The following PRICKLE2 variants were observed in gnomAD, a reference collection of about 807,000 sequenced individuals.
PRICKLE2 encodes the protein prickle planar cell polarity protein 2.
A neutral mutation model predicts 81.4 loss-of-function variants in PRICKLE2; 21 were observed. That is an observed-to-expected ratio of 0.26 (90% CI 0.18 to 0.37). The LOEUF (loss-of-function observed/expected upper bound fraction) is 0.37. Among genes scored for constraint, PRICKLE2 ranks in the 10% least tolerant of loss-of-function variants. The pLI, the probability that PRICKLE2 is intolerant of heterozygous loss-of-function variation, is 1.00. For synonymous variants in PRICKLE2, 456 were observed against 421.5 expected, an observed-to-expected ratio of 1.08 and a Z score of -1.00; for missense variants, 940 against 1,109.0, an observed-to-expected ratio of 0.85 and a Z score of 2.16.
chr3:64,213,508 T>C (rs899058362), intron 1 of PRICKLE2, among the ~76,000 whole-genome samples: 7 of 152,202 alleles, frequency 4.6e-5, no homozygotes, highest in Non-Finnish European at 1.0e-4. Flanking sequence ...GAATTGCCAA[T>C]AATCTCTACA....
chr3:64,108,280 T>C (rs2076787198), intron 7 of PRICKLE2, among the ~76,000 whole-genome samples: 1 of 152,218 alleles, frequency 6.6e-6, no homozygotes, highest in Non-Finnish European at 1.5e-5. Context: ...TTGAAGCCTC[T>C]CAGACCGTGC....
intron 2 of PRICKLE2, among the ~76,000 whole-genome samples, chr3:64,257,631 G>C (rs1049071699): frequency 6.6e-6 from 1 of 152,160 alleles, no homozygotes; most frequent in East Asian, 1.9e-4. Context: ...GGCAAGCCAA[G>C]GGGAAAGTCT....
At chr3:64,130,322 T>G (rs2077178239) in intron 7 of PRICKLE2, among the ~76,000 whole-genome samples, 1 of 152,170 alleles carries the variant, frequency 6.6e-6, no homozygotes, top group Admixed American at 6.5e-5. Flanking sequence ...TTTAATCCCA[T>G]GAAAAAGTTT....
At position 64,147,657 on chromosome 3, in the gene PRICKLE2, G is replaced by A; in HGVS notation, c.833C>T (p.Ala278Val). 1 of 1,614,022 alleles carries A rather than the reference G, an allele frequency of 6.2e-7. No individual in the cohort carries two copies. The highest frequency in any genetic ancestry group is 8.5e-7 in the Non-Finnish European group (1 of 1,180,030). The change falls in exon 7 of 8, where the codon GCC (alanine) becomes GTC (valine). Residue 278 changes from alanine to valine, a missense_variant. Around this residue, in one of 2 missense-constraint regions of PRICKLE2, gnomAD observed 270 missense variants for 391.8 expected, o/e 0.69. Transcript: ENST00000638394. This position sits in a 1 kb window ranked among gnomAD's most constrained non-coding sequence, Gnocchi z 5.0. The part of the protein sequence containing the change: ...QMTYDGQHWH[A>V]TETCFCCAHC... ...AGCACAGCAGAAACAGGTCTCAGTG[G>A]CATGCCAGTGTTGGCCATCATAGGT...
intron 1 of PRICKLE2, among the ~76,000 whole-genome samples, chr3:64,224,268 G>C (rs2078999770): frequency 6.6e-6 from 1 of 152,130 alleles, no homozygotes; most frequent in African/African-American, 2.4e-5. Context: ...TTCATTGCAA[G>C]ACCCCCATGG....
intron 7 of PRICKLE2, among the ~76,000 whole-genome samples, chr3:64,144,667 C>T (rs1478772493): frequency 2.0e-5 from 3 of 152,244 alleles, no homozygotes; most frequent in African/African-American, 7.2e-5. Context: ...GAGCGCTACT[C>T]TTCTCAAGCT....
chr3:64,207,666 G>A (rs948854696), intron 1 of PRICKLE2, among the ~76,000 whole-genome samples: 4 of 152,078 alleles, frequency 2.6e-5, no homozygotes, highest in South Asian at 2.1e-4. Flanking sequence ...TACCTCCAAC[G>A]TGGGAATTAC....
At chr3:64,109,418 T>TCAGGTG (rs1317580018) in intron 7 of PRICKLE2, among the ~76,000 whole-genome samples, 1 of 152,212 alleles carries the variant, frequency 6.6e-6, no homozygotes, top group African/African-American at 2.4e-5. Flanking sequence ...GCCACTGGCC[T>TCAGGTG]ATCTAGCAGG....
chr3:64,163,555 T>C (rs1489210836), intron 2 of PRICKLE2: 1 of 238,370 alleles, frequency 4.2e-6, no homozygotes, highest in African/African-American at 2.2e-5. Flanking sequence ...TTAAAGCCAG[T>C]CTTTGGCACT....
intron 2 of PRICKLE2, among the ~76,000 whole-genome samples, chr3:64,248,470 T>C (rs1211949072): frequency 6.6e-6 from 1 of 152,130 alleles, no homozygotes; most frequent in Non-Finnish European, 1.5e-5. Flanking sequence ...AGGCTAATGA[T>C]TAAAGTCCAC....
chr3:64,152,000 C>T (rs112730522), intron 6 of PRICKLE2, among the ~76,000 whole-genome samples: 2 of 152,254 alleles, frequency 1.3e-5, no homozygotes, highest in East Asian at 1.9e-4. Context: ...GACAAGAATG[C>T]CCAATGACAA....
chr3:64,147,630 T>C lies in PRICKLE2; in HGVS notation c.860A>G (p.His287Arg), dbSNP rs1201078531. 1 of 1,614,084 alleles carries C rather than the reference T, an allele frequency of 6.2e-7. No individual in the cohort carries two copies. Among genetic ancestry groups the C allele is most frequent in the Admixed American group, 1.7e-5 (1 of 60,028 alleles). The part of the protein sequence containing the change: ...HATETCFCCA[H>R]CKKSLLGRPF... ...CCGCCCCAGGAGGGATTTCTTGCAG[T>C]GAGCACAGCAGAAACAGGTCTCAGT... Residue 287 changes from histidine (H) to arginine (R), a missense_variant, in exon 7 of 8, where the codon CAC becomes CGC. This residue lies in a region of PRICKLE2 where 270 missense variants were observed against 391.8 expected (regional missense o/e 0.69). Coordinates refer to ENST00000638394, the MANE Select transcript of PRICKLE2 (RefSeq NM_198859.4). The surrounding 1 kb of genome is among the most constrained non-coding windows in gnomAD (Gnocchi z 5.0).
chr3:64,103,864 CAGCTACTTGGGAG>C (rs2076708614), intron 7 of PRICKLE2, among the ~76,000 whole-genome samples: 1 of 152,046 alleles, frequency 6.6e-6, no homozygotes, highest in Non-Finnish European at 1.5e-5. Flanking sequence ...CCTGTAGTCC[CAGCTACTTGGGAG>C]ACTGAGGTGG....
intron 2 of PRICKLE2, among the ~76,000 whole-genome samples, chr3:64,264,080 A>C (rs1317777422): frequency 1.3e-5 from 2 of 151,852 alleles, no homozygotes; most frequent in Non-Finnish European, 2.9e-5. Context: ...ACCCGCCAAC[A>C]ATCCACCAAG....
At chr3:64,263,250 G>A (rs1455856475) in intron 2 of PRICKLE2, among the ~76,000 whole-genome samples, 15 of 152,200 alleles carry the variant, frequency 9.9e-5, no homozygotes, top group Non-Finnish European at 1.5e-5. Context: ...AGTCCAAAGT[G>A]CCTTCTTGGA....
At position 64,099,438 on chromosome 3, in the gene PRICKLE2, AG is replaced by A; in HGVS notation, c.2147del (p.Pro716LeufsTer2). On this transcript the variant is annotated frameshift_variant, in exon 8 of 8. Transcript: ENST00000638394. LOFTEE classifies it high-confidence loss of function. The surrounding 1 kb of genome is among the most constrained non-coding windows in gnomAD (Gnocchi z 4.3). ...GGTCATAGTCCTCCCTGGCTCTCAG[AG>A]GGGGCCTATCTTTTAACCGGGAGAT... ...EAISRLKDRP[P>X]LRAREDYDQF... is the part of the protein sequence containing the mutation. 6.3e-7 allele frequency: 1 copy of A among 1,588,324 alleles called. No individual in the cohort carries two copies. Among genetic ancestry groups the A allele is most frequent in the Non-Finnish European group, 8.6e-7 (1 of 1,164,142 alleles).
chr3:64,250,388 G>A (rs1267208806), intron 2 of PRICKLE2, among the ~76,000 whole-genome samples: 1 of 152,146 alleles, frequency 6.6e-6, no homozygotes, highest in East Asian at 1.9e-4. Context: ...AAATGTCTAG[G>A]GGAGTGGGCC....
At chr3:64,176,266 A>C (rs2078021082) in intron 2 of PRICKLE2, among the ~76,000 whole-genome samples, 1 of 152,170 alleles carries the variant, frequency 6.6e-6, no homozygotes, top group South Asian at 2.1e-4. Context: ...AGATGCTAAA[A>C]CTGGGTGACA....
At chr3:64,152,145 T>C (rs944041923) in intron 6 of PRICKLE2, among the ~76,000 whole-genome samples, 1 of 152,220 alleles carries the variant, frequency 6.6e-6, no homozygotes, top group Non-Finnish European at 1.5e-5. Context: ...CAAAGCCACT[T>C]TTTTTGGTCC....
Sources: gnomAD v4.1 joint callset for allele counts (sites outside exome capture counted in the v4.1 genomes callset) on GRCh38, gnomAD v4.1.1 for gene constraint, gnomAD v4.1.1 regional missense constraint, Gnocchi (gnomAD v3.1) non-coding constraint, MANE v1.5 for transcripts, NCBI Gene and HGNC (gene_info 2026-07-23, HGNC 2026-07-21) for gene names.